Variants in FHIT observed in about 807,000 individuals in gnomAD.
FHIT encodes the protein bis(5'-adenosyl)-triphosphatase.
A neutral mutation model predicts 17.9 loss-of-function variants in FHIT; 19 were observed. That is an observed-to-expected ratio of 1.06 (90% confidence interval 0.74 to 1.56). The LOEUF is 1.56. Ranked by LOEUF, FHIT falls within the 40% of genes most tolerant of loss-of-function variation. The probability of loss-of-function intolerance (pLI) is 0.00; values close to 1 mark genes in which losing one functional copy is unlikely to be tolerated. For synonymous variants in FHIT, 81 were observed against 69.7 expected (o/e 1.16, Z -0.81); for missense variants, 248 against 189.2 (o/e 1.31, Z -1.82).
chr3:59,897,361 G>A (rs540966538), intron 8 of FHIT, among the ~76,000 whole-genome samples: 2 of 152,246 alleles, frequency 1.3e-5, no homozygotes, highest in African/African-American at 4.8e-5. Flanking sequence ...CAATTCAAAT[G>A]TCTCTTCCTC....
At chr3:61,227,775 C>T (rs1048951949) in intron 1 of FHIT, among the ~76,000 whole-genome samples, 27 of 152,078 alleles carry the variant, frequency 1.8e-4, no homozygotes, top group Admixed American at 1.0e-3. Context: ...GAGGAAAAAC[C>T]GGATATATTC....
At chr3:59,980,077 T>C (rs1708585984) in intron 7 of FHIT, among the ~76,000 whole-genome samples, 1 of 152,174 alleles carries the variant, frequency 6.6e-6, no homozygotes, top group Admixed American at 6.6e-5. Flanking sequence ...TGAAAAGATA[T>C]TCTAAAACAC....
At chr3:61,204,131 A>G (rs1051129716) in intron 1 of FHIT, among the ~76,000 whole-genome samples, 1 of 152,374 alleles carries the variant, frequency 6.6e-6, no homozygotes, top group South Asian at 2.1e-4. Flanking sequence ...ATAACATTCA[A>G]AAAGGCAAAA....
intron 3 of FHIT, among the ~76,000 whole-genome samples, chr3:60,942,583 T>C (rs1553774814): frequency 6.6e-6 from 1 of 152,124 alleles, no homozygotes; most frequent in African/African-American, 2.4e-5. Flanking sequence ...CTCTCTTTGT[T>C]CTTCTCTCTT....
chr3:60,880,354 G>A (rs540472390), intron 3 of FHIT, among the ~76,000 whole-genome samples: 2 of 152,204 alleles, frequency 1.3e-5, no homozygotes, highest in South Asian at 2.1e-4. Context: ...CACTAGAACA[G>A]TTTTACAAGA....
intron 4 of FHIT, among the ~76,000 whole-genome samples, chr3:60,630,440 C>T (rs1415350750): frequency 1.3e-5 from 2 of 151,952 alleles, no homozygotes; most frequent in African/African-American, 4.8e-5. Flanking sequence ...TTGCAAGAAC[C>T]CACTCTTTCC....
chr3:60,786,247 T>C (rs561703865), intron 4 of FHIT, among the ~76,000 whole-genome samples: 1 of 152,152 alleles, frequency 6.6e-6, no homozygotes, highest in East Asian at 1.9e-4. Flanking sequence ...ACTGGGAAGA[T>C]GGCATGGAGA....
intron 5 of FHIT, 27 bp from the exon 6 acceptor site, chr3:60,014,179 G>A: frequency 6.2e-7 from 1 of 1,612,548 alleles, no homozygotes; most frequent in Non-Finnish European, 8.5e-7. Context: ...TAAGGCCCAT[G>A]CTGCTGGCTT....
At chr3:60,099,325 G>C (rs942557997) in intron 5 of FHIT, among the ~76,000 whole-genome samples, 35 of 152,098 alleles carry the variant, frequency 2.3e-4, no homozygotes, top group African/African-American at 8.2e-4. Context: ...AATAATAATG[G>C]CTAATTTGGT....
At chr3:60,117,711 T>C (rs539915597) in intron 5 of FHIT, among the ~76,000 whole-genome samples, 2 of 152,068 alleles carry the variant, frequency 1.3e-5, no homozygotes, top group Non-Finnish European at 2.9e-5. Context: ...GCGCAGAGAA[T>C]GCAGATGAGC....
At chr3:60,024,198 C>G (rs1376403764) in intron 5 of FHIT, among the ~76,000 whole-genome samples, 6 of 152,030 alleles carry the variant, frequency 3.9e-5, no homozygotes, top group Admixed American at 2.0e-4. Context: ...AATGAGGAAC[C>G]CTCTTCTATG....
intron 2 of FHIT, among the ~76,000 whole-genome samples, chr3:61,152,760 C>A (rs562337409): frequency 7.1e-6 from 1 of 140,092 alleles, no homozygotes; most frequent in South Asian, 2.3e-4. Flanking sequence ...TTTATAAGAT[C>A]AGTATGGCAT....
At chr3:60,459,292 G>C (rs1002776491) in intron 5 of FHIT, among the ~76,000 whole-genome samples, 1 of 152,156 alleles carries the variant, frequency 6.6e-6, no homozygotes, top group Non-Finnish European at 1.5e-5. Flanking sequence ...TAATGACCTA[G>C]TTCCAGAAAT....
chr3:60,515,943 G>A (rs1464288228), intron 5 of FHIT, among the ~76,000 whole-genome samples: 1 of 152,122 alleles, frequency 6.6e-6, no homozygotes, highest in Non-Finnish European at 1.5e-5. Flanking sequence ...TACTGCCTCT[G>A]GGTATGCAAA....
intron 3 of FHIT, among the ~76,000 whole-genome samples, chr3:60,987,461 G>C (rs927479254): frequency 1.3e-5 from 2 of 152,208 alleles, no homozygotes; most frequent in Non-Finnish European, 2.9e-5. Context: ...CAGTTAACTA[G>C]CCCAACCTAT....
intron 5 of FHIT, among the ~76,000 whole-genome samples, chr3:60,041,979 T>A (rs1186037055): frequency 1.3e-5 from 2 of 152,180 alleles, no homozygotes; most frequent in African/African-American, 4.8e-5. Context: ...TTTAAAGAAG[T>A]ATACAATAAA....
chr3:60,151,719 C>T (rs1700472600), intron 5 of FHIT, among the ~76,000 whole-genome samples: 1 of 152,134 alleles, frequency 6.6e-6, no homozygotes, highest in Non-Finnish European at 1.5e-5. Context: ...ACCTTCCTAC[C>T]TCTGCCTGCA....
At chr3:60,054,549 A>G (rs2106896417) in intron 5 of FHIT, among the ~76,000 whole-genome samples, 1 of 152,290 alleles carries the variant, frequency 6.6e-6, no homozygotes, top group African/African-American at 2.4e-5. Context: ...TATCATAATG[A>G]TGGAGCTAGG....
intron 5 of FHIT, among the ~76,000 whole-genome samples, chr3:60,064,229 A>G (rs1299754081): frequency 1.3e-5 from 2 of 152,196 alleles, no homozygotes; most frequent in Non-Finnish European, 2.9e-5. Context: ...ATAAAAGTAA[A>G]ATAATTACCT....
Sources: allele counts gnomAD v4.1 joint callset (sites outside exome capture counted in the v4.1 genomes callset), GRCh38; gene constraint gnomAD v4.1.1; transcripts MANE v1.5; gene names NCBI Gene and HGNC (gene_info 2026-07-23, HGNC 2026-07-21).